Variants in KCNMA1 observed in about 807,000 individuals in gnomAD.
KCNMA1 encodes Calcium-activated potassium channel subunit alpha-1.
In KCNMA1, 29 loss-of-function variants were observed where a neutral mutation model predicts 140.0. That is an observed-to-expected ratio of 0.21 (90% CI 0.15 to 0.28). KCNMA1 has a LOEUF of 0.28. KCNMA1 is among the 10% of genes least tolerant of loss of function. The pLI, the probability that KCNMA1 is intolerant of heterozygous loss-of-function variation, is 1.00. For missense variants in KCNMA1, 880 were observed against 1,602.2 expected, an observed-to-expected ratio of 0.55 and a Z score of 7.70; for synonymous variants, 612 against 611.9, an observed-to-expected ratio of 1.00 and a Z score of 0.00.
rs1311942113 is a variant in KCNMA1, at chr10:77,564,315, G to A, written c.378+72950C>T. The stretch of plus-strand genomic sequence containing the variant: ...TGGCCAGGCATGGTGGCTCATGCCT[G>A]TAACACGAGCACTTTGGGAGGCCGA... On this transcript the variant is annotated intron_variant, in intron 1 of 27. Transcript: ENST00000286628. 4.6e-5 allele frequency among the ~76,000 whole-genome samples: 7 copies of A among 152,326 alleles called. No individual in the cohort carries two copies. In the South Asian group the frequency reaches 1.5e-3, roughly 32 times the overall value.
Position 77,108,582 on chromosome 10 carries a change from T to C in KCNMA1, c.1132-10A>G, listed in dbSNP as rs771169491. The C allele has an allele frequency of 1.0e-5, 16 of 1,604,016 alleles. No homozygotes were observed. The highest frequency in any genetic ancestry group is 2.7e-5 in the African/African-American group (2 of 74,128). ...AGCTGGCAAACATGGCCTGAGAAGATAGGAGACAGAAGAGAGACTAAAAAG... is the reference window on the plus strand; with the variant it reads ...AGCTGGCAAACATGGCCTGAGAAGACAGGAGACAGAAGAGAGACTAAAAAG... On this transcript the variant is annotated splice_polypyrimidine_tract_variant and intron_variant, in intron 8 of 27. Transcript: ENST00000286628. The surrounding 1 kb of genome is among the most constrained non-coding windows in gnomAD (Gnocchi z 4.6).
At chr10:77,273,006 AG>A (rs962382306) in intron 2 of KCNMA1, among the ~76,000 whole-genome samples, 6 of 152,234 alleles carry the variant, frequency 3.9e-5, no homozygotes, top group Admixed American at 2.6e-4. Flanking sequence ...AAGCTTAAAA[AG>A]CTTCCTTTAT....
chr10:77,120,854 C>T, intron 6 of KCNMA1, 119 bp downstream of exon 6: 1 of 707,430 alleles, frequency 1.4e-6, no homozygotes, highest in African/African-American at 1.8e-5. Context: ...TGTTAGATCA[C>T]TCTTTCTGTG....
chr10:77,596,420 G>T (rs1340036427), intron 1 of KCNMA1, among the ~76,000 whole-genome samples: 1 of 152,170 alleles, frequency 6.6e-6, no homozygotes, highest in East Asian at 1.9e-4. Flanking sequence ...GATGGGACAT[G>T]GCCTAAATGT....
At chr10:76,996,649 A>G (rs2084450656) in intron 19 of KCNMA1, among the ~76,000 whole-genome samples, 1 of 152,200 alleles carries the variant, frequency 6.6e-6, no homozygotes, top group Admixed American at 6.5e-5. Context: ...CACGGCAAGC[A>G]TGGGAAGATG....
intron 2 of KCNMA1, among the ~76,000 whole-genome samples, chr10:77,384,659 C>T (rs2095540219): frequency 6.6e-6 from 1 of 152,162 alleles, no homozygotes; most frequent in Non-Finnish European, 1.5e-5. Context: ...CAAGGTGGTC[C>T]CCAAAGGGGA....
chr10:77,016,386 T>C (rs972285415), intron 17 of KCNMA1, among the ~76,000 whole-genome samples: 7 of 152,158 alleles, frequency 4.6e-5, no homozygotes, highest in Non-Finnish European at 7.4e-5. Flanking sequence ...CTTCTCCCCA[T>C]TGTTCATTTT....
intron 1 of KCNMA1, chr10:77,634,079 A>G (rs1280081093): frequency 2.3e-6 from 2 of 853,168 alleles, no homozygotes; most frequent in Admixed American, 1.2e-4. Flanking sequence ...CATTTTATAC[A>G]CAAGGAAAGA....
chr10:76,884,901 T>A lies in KCNMA1; in HGVS notation c.*2365A>T. 6.9e-7 allele frequency: 1 copy of A among 1,441,926 alleles called. No homozygotes were observed. The allele number at this position is 1,441,926 out of a possible 1,614,324, so 89.3% of individuals were successfully genotyped here. ...ATAAAATTTGTAACTCCTTTTTTTT[T>A]AATTTCACAAAAGTTTTCACAAGGA... is the stretch of plus-strand genomic sequence containing the variant. On this transcript the variant is annotated 3_prime_UTR_variant, in exon 28 of 28. Coordinates refer to ENST00000286628, the MANE Select transcript of KCNMA1 (RefSeq NM_001161352.2).
intron 1 of KCNMA1, among the ~76,000 whole-genome samples, chr10:77,565,988 C>T (rs2068142556): frequency 6.6e-6 from 1 of 152,208 alleles, no homozygotes; most frequent in South Asian, 2.1e-4. Flanking sequence ...GTTGCTGTGC[C>T]TCCACGGAAT....
intron 1 of KCNMA1, among the ~76,000 whole-genome samples, chr10:77,558,972 C>T (rs2065441490): frequency 6.6e-6 from 1 of 150,744 alleles, no homozygotes; most frequent in African/African-American, 2.4e-5. Context: ...CTTCCTGTAA[C>T]ATAGCAGTTG....
intron 15 of KCNMA1, among the ~76,000 whole-genome samples, chr10:77,031,970 G>A (rs1440852410): frequency 3.9e-5 from 6 of 152,204 alleles, no homozygotes; most frequent in Non-Finnish European, 7.3e-5. Context: ...GAGAAAGCTT[G>A]GAAGTGAGTA....
intron 17 of KCNMA1, among the ~76,000 whole-genome samples, chr10:77,014,085 T>C (rs1384366175): frequency 1.3e-5 from 2 of 152,210 alleles, no homozygotes; most frequent in Non-Finnish European, 2.9e-5. Context: ...ACATATACAT[T>C]ATACAGATAA....
chr10:77,533,946 C>T (rs1452027455), intron 1 of KCNMA1, among the ~76,000 whole-genome samples: 1 of 152,130 alleles, frequency 6.6e-6, no homozygotes, highest in Non-Finnish European at 1.5e-5. Flanking sequence ...AGAGGGAGAA[C>T]CCTTCCCTCT....
At chr10:77,602,412 G>A (rs2082949697) in intron 1 of KCNMA1, among the ~76,000 whole-genome samples, 1 of 152,098 alleles carries the variant, frequency 6.6e-6, no homozygotes, top group African/African-American at 2.4e-5. Context: ...GGAGGGGTGT[G>A]GGGAGTGACT....
At chr10:77,245,162 C>CA (rs2058278218) in intron 3 of KCNMA1, among the ~76,000 whole-genome samples, 1 of 151,996 alleles carries the variant, frequency 6.6e-6, no homozygotes, top group Non-Finnish European at 1.5e-5. Context: ...CGTGACTTCT[C>CA]AAAAAAGGGC....
intron 23 of KCNMA1, among the ~76,000 whole-genome samples, chr10:76,930,465 A>C (rs898522589): frequency 5.9e-5 from 9 of 152,214 alleles, no homozygotes; most frequent in Admixed American, 5.9e-4. Context: ...TGAAAAGACA[A>C]GTGATAACAA....
chr10:77,208,095 T>A (rs2044736782), intron 3 of KCNMA1, among the ~76,000 whole-genome samples: 2 of 152,266 alleles, frequency 1.3e-5, no homozygotes, highest in Non-Finnish European at 2.9e-5. Flanking sequence ...ACAAGAAAAG[T>A]AGAGAGTGGA....
In KCNMA1 at chr10:77,265,430, T is replaced by C. The variant is rs2063167521; in HGVS notation, c.541-14174A>G. ...ACCACATTTTGAGAATTACTGCTTT[T>C]AACCTTATTTATAAAAGATAAAAAG... On this transcript the variant is annotated intron_variant, in intron 2 of 27. Transcript: ENST00000286628. Among the ~76,000 whole-genome samples the C allele has an allele frequency of 2.6e-5, 4 of 152,396 alleles. No individual in the cohort carries two copies. The East Asian group carries it at 7.7e-4, about 29-fold the overall frequency.
Sources: gnomAD v4.1 joint callset for allele counts (sites outside exome capture counted in the v4.1 genomes callset) on GRCh38, gnomAD v4.1.1 for gene constraint, Gnocchi (gnomAD v3.1) non-coding constraint, MANE v1.5 for transcripts, NCBI Gene and HGNC (gene_info 2026-07-23, HGNC 2026-07-21) for gene names.